BMPR2: variants seen among roughly 807,000 people sequenced by gnomAD.
BMPR2 encodes bone morphogenetic protein receptor type 2.
In BMPR2, 29 loss-of-function variants were observed where a neutral mutation model predicts 100.8. The observed-to-expected ratio is 0.29, with a 90% CI of 0.21 to 0.39. The LOEUF (loss-of-function observed/expected upper bound fraction) is 0.39. Ranked by LOEUF, BMPR2 falls within the 10% of genes least tolerant of loss-of-function variation. BMPR2 has a pLI of 1.00. For missense variants in BMPR2, 1,011 were observed against 1,274.5 expected (o/e 0.79, Z 3.15); for synonymous variants, 382 against 442.3 (o/e 0.86, Z 1.71).
At position 202,520,129 on chromosome 2, in the gene BMPR2, G is replaced by A. The variant is rs145418964; in HGVS notation, c.895G>A (p.Val299Ile). The change falls in exon 7 of 13, where the codon GTA becomes ATA. Residue 299 changes from valine (V) to isoleucine (I), a missense_variant. Coordinates refer to ENST00000374580, the MANE Select transcript of BMPR2 (RefSeq NM_001204.7). ...TTTAAGTCTCCACACAAGTGACTGGGTAAGCTCTTGCCGTCTTGCTCATTC... is the reference window on the plus strand; with the variant it reads ...TTTAAGTCTCCACACAAGTGACTGGATAAGCTCTTGCCGTCTTGCTCATTC... ...KYLSLHTSDW[V>I]SSCRLAHSVT... is the part of the protein sequence containing the mutation. The A allele has an allele frequency of 1.1e-5, 18 of 1,613,516 alleles. No individual in the cohort carries two copies. Among genetic ancestry groups the A allele is most frequent in the Non-Finnish European group, 1.4e-5 (17 of 1,179,924 alleles).
rs1688676162 is a variant in BMPR2, at chr2:202,561,346, A to G, written c.*1400A>G. The G allele has an allele frequency of 1.3e-5, 2 of 152,108 alleles. No homozygotes were observed. Among genetic ancestry groups the G allele is most frequent in the South Asian group, 4.1e-4 (2 of 4,822 alleles). The allele number at this position is 152,108 out of a possible 1,614,324, so 9.4% of individuals were successfully genotyped here. On this transcript the variant is annotated 3_prime_UTR_variant, in exon 13 of 13. Coordinates refer to ENST00000374580, the MANE Select transcript of BMPR2 (RefSeq NM_001204.7). ...GATATGTGAGCAACATTTATTATTTACATTAGAGTATACCTTTTAGTAATA... is the reference window on the plus strand; with the variant it reads ...GATATGTGAGCAACATTTATTATTTGCATTAGAGTATACCTTTTAGTAATA...
intron 3 of BMPR2, among the ~76,000 whole-genome samples, chr2:202,513,335 G>T (rs1347849300): frequency 6.6e-6 from 1 of 152,004 alleles, no homozygotes; most frequent in African/African-American, 2.4e-5. Context: ...CAGCTAACTT[G>T]GGAAATACAG....
In BMPR2 at chr2:202,552,823, T is replaced by TTGGGAAAGAAACAAATCCC; in HGVS notation, c.1538_1539insCCTGGGAAAGAAACAAATC (p.Val514LeufsTer21). 1 of 1,614,180 alleles carries TTGGGAAAGAAACAAATCCC rather than the reference T, an allele frequency of 6.2e-7. No individual in the cohort carries two copies. Among genetic ancestry groups the TTGGGAAAGAAACAAATCCC allele is most frequent in the African/African-American group, 1.3e-5 (1 of 75,026 alleles). ...AAAGGATGGCTGAACTTATGATGAT[T>TTGGGAAAGAAACAAATCCC]TGGGAAAGAAACAAATCTGTGAGCC... On this transcript the variant is annotated frameshift_variant, in exon 11 of 13. Coordinates refer to ENST00000374580, the MANE Select transcript of BMPR2 (RefSeq NM_001204.7). LOFTEE classifies it high-confidence loss of function.
chr2:202,483,601 G>A (rs1574471627), intron 3 of BMPR2, among the ~76,000 whole-genome samples: 1 of 152,048 alleles, frequency 6.6e-6, no homozygotes, highest in Non-Finnish European at 1.5e-5. Flanking sequence ...GTTTTGCCAT[G>A]TTGGCTAGGC....
intron 1 of BMPR2, among the ~76,000 whole-genome samples, chr2:202,407,625 C>T (rs1690928000): frequency 6.6e-6 from 1 of 151,470 alleles, no homozygotes; most frequent in Non-Finnish European, 1.5e-5. Context: ...AAAAATCAGC[C>T]AGGCGTGGTG....
At chr2:202,469,647 T>C (rs1379188161) in intron 3 of BMPR2, 2 of 170,018 alleles carry the variant, frequency 1.2e-5, no homozygotes, top group Non-Finnish European at 2.6e-5. Flanking sequence ...CCCAGCTAAT[T>C]GTTGTATATT....
At chr2:202,414,557 A>C (rs1308460712) in intron 1 of BMPR2, among the ~76,000 whole-genome samples, 1 of 152,244 alleles carries the variant, frequency 6.6e-6, no homozygotes, top group Non-Finnish European at 1.5e-5. Context: ...CCAAGTTGTG[A>C]ATGCAAAGGA....
chr2:202,543,117 C>T (rs1043871107), intron 10 of BMPR2, among the ~76,000 whole-genome samples: 2 of 145,552 alleles, frequency 1.4e-5, no homozygotes, highest in African/African-American at 5.2e-5. Flanking sequence ...GCAGAGATTG[C>T]AATGAGCCGA....
chr2:202,564,263 C>T lies in BMPR2; in HGVS notation c.*4317C>T, dbSNP rs1688720304. The T allele has an allele frequency of 6.6e-6, 1 of 152,090 alleles. No individual in the cohort carries two copies. The highest frequency in any genetic ancestry group is 2.4e-5 in the African/African-American group (1 of 41,426). 9.4% of individuals were successfully genotyped at this position (152,090 alleles called of 1,614,324 possible). A position where few individuals can be genotyped will look rare whatever the true frequency, so the allele number is the denominator to read the frequency against. On this transcript the variant is annotated 3_prime_UTR_variant, in exon 13 of 13. Coordinates refer to ENST00000374580, the MANE Select transcript of BMPR2 (RefSeq NM_001204.7). ...CTCCTAGAATTTGAGATTATATTTC[C>T]ATACAACATTTTATAAAGTTATGTT... is the stretch of plus-strand genomic sequence containing the variant.
chr2:202,427,380 A>AG (rs1574442993), intron 1 of BMPR2, among the ~76,000 whole-genome samples: 1 of 140,996 alleles, frequency 7.1e-6, no homozygotes, highest in African/African-American at 2.6e-5. Flanking sequence ...AAAAAAAAAA[A>AG]GGGCAGGTAT....
intron 1 of BMPR2, among the ~76,000 whole-genome samples, chr2:202,410,912 A>G (rs1253404805): frequency 1.3e-5 from 2 of 152,124 alleles, no homozygotes; most frequent in Non-Finnish European, 2.9e-5. Flanking sequence ...AAAAAATAGT[A>G]AACTTTATTT....
chr2:202,450,125 GAAC>G (rs1159021979), intron 1 of BMPR2, among the ~76,000 whole-genome samples: 3 of 151,794 alleles, frequency 2.0e-5, no homozygotes, highest in Non-Finnish European at 2.9e-5. Context: ...ACAACAACAA[GAAC>G]AACAACAAAA....
At chr2:202,475,963 A>G (rs1692541622) in intron 3 of BMPR2, among the ~76,000 whole-genome samples, 1 of 151,810 alleles carries the variant, frequency 6.6e-6, no homozygotes, top group Non-Finnish European at 1.5e-5. Flanking sequence ...AATCTCAGCC[A>G]CTTGGGAGGC....
At chr2:202,411,261 T>A (rs573933636) in intron 1 of BMPR2, among the ~76,000 whole-genome samples, 1 of 152,228 alleles carries the variant, frequency 6.6e-6, no homozygotes, top group Non-Finnish European at 1.5e-5. Flanking sequence ...AAGACAAAAA[T>A]TTTGACAAAC....
In BMPR2 at chr2:202,377,450, C is replaced by T. The variant is rs1160784665; in HGVS notation, c.-25C>T. ...ACTTCCCATATTTCTTTTCTTTGCC[C>T]TCCTGATTCTTGGCTGGCCCAGGGA... On this transcript the variant is annotated 5_prime_UTR_variant, in exon 1 of 13. Coordinates refer to ENST00000374580, the MANE Select transcript of BMPR2 (RefSeq NM_001204.7). The T allele has an allele frequency of 5.6e-6, 9 of 1,613,506 alleles. No individual in the cohort carries two copies. Among genetic ancestry groups the T allele is most frequent in the Non-Finnish European group, 7.6e-6 (9 of 1,179,348 alleles).
chr2:202,457,754 G>A (rs1692149163), intron 1 of BMPR2, among the ~76,000 whole-genome samples: 4 of 151,926 alleles, frequency 2.6e-5, no homozygotes, highest in Admixed American at 2.6e-4. Context: ...TTTTGAAATG[G>A]AGTTTTGCTC....
chr2:202,417,550 G>T (rs1355411445), intron 1 of BMPR2, among the ~76,000 whole-genome samples: 1 of 152,018 alleles, frequency 6.6e-6, no homozygotes, highest in African/African-American at 2.4e-5. Context: ...TGATACGCCC[G>T]CCTTGGCCTC....
chr2:202,379,205 A>G (rs950399011), intron 1 of BMPR2, among the ~76,000 whole-genome samples: 7 of 152,206 alleles, frequency 4.6e-5, no homozygotes, highest in Non-Finnish European at 8.8e-5. Flanking sequence ...GATAATAGCT[A>G]GTATTTATTA....
At chr2:202,550,947 C>CT (rs34364158) in intron 10 of BMPR2, among the ~76,000 whole-genome samples, 732 of 68,356 alleles carry the variant, frequency 0.011, 159 homozygotes, top group African/African-American at 0.028. Flanking sequence ...AGCATATCAG[C>CT]TTTTTTTTTT....
Sources: gnomAD v4.1 joint callset for allele counts (sites outside exome capture counted in the v4.1 genomes callset) on GRCh38, gnomAD v4.1.1 for gene constraint, MANE v1.5 for transcripts, NCBI Gene and HGNC (gene_info 2026-07-23, HGNC 2026-07-21) for gene names.